SYTL2: variants seen among roughly 807,000 people sequenced by gnomAD.
SYTL2 encodes synaptotagmin like 2.
SYTL2 carries 165 observed loss-of-function variants against 198.7 expected under a neutral mutation model. That is an observed-to-expected ratio of 0.83 (90% CI 0.73 to 0.94). SYTL2 has a LOEUF of 0.94. Among genes scored for constraint, SYTL2 ranks in the 40% least tolerant of loss-of-function variants. SYTL2 has a pLI of 0.00. For missense variants in SYTL2, 2,835 were observed against 2,582.8 expected, an observed-to-expected ratio of 1.10 and a Z score of -2.12; for synonymous variants, 966 against 917.7, an observed-to-expected ratio of 1.05 and a Z score of -0.95.
chr11:85,829,343 G>C, the SYTL2 span, among the ~76,000 whole-genome samples: 4 of 152,014 alleles, frequency 2.6e-5, no homozygotes, highest in Admixed American at 6.6e-5. Context: ...TAGGATAATG[G>C]TCTCCAGGTC....
rs2083662995 is a variant in SYTL2 at position 85,698,000 on chromosome 11, T to C, written c.6347A>G (p.His2116Arg). 3.1e-6 allele frequency: 5 copies of C among 1,612,680 alleles called. No individual in the cohort carries two copies. Among genetic ancestry groups the C allele is most frequent in the South Asian group, 2.2e-5 (2 of 91,056 alleles). ...TTACCATTTAACAAAAGAATTTAGA[T>C]GACTTCCCCTTAGCAGTGGTAGATC... ...CLDLPLLRGS[H>R]LNSFVKCTIL... is the part of the protein sequence containing the mutation. The change falls in exon 18 of 20, where the codon CAT becomes CGT. Residue 2116 changes from histidine (H) to arginine (R), a missense_variant. Around this residue, in one of 3 missense-constraint regions of SYTL2, gnomAD observed 185 missense variants for 182.1 expected, o/e 1.02. Transcript: ENST00000359152.
chr11:85,827,010 G>A, the SYTL2 span, among the ~76,000 whole-genome samples: 3 of 152,330 alleles, frequency 2.0e-5, no homozygotes, highest in East Asian at 1.9e-4. Flanking sequence ...ATAATAAGCC[G>A]AAGGACCCAG....
chr11:85,725,224 A>G lies in SYTL2; in HGVS notation c.4134T>C (p.Cys1378=), dbSNP rs776238231. The change falls in exon 8 of 20, where the codon TGT becomes TGC. Residue 1378 remains cysteine, a synonymous_variant. Coordinates refer to ENST00000359152, the MANE Select transcript of SYTL2 (RefSeq NM_206927.4). ...NDVSAALQKL[C]GEVWLSYPAG... ...CTGGATAACTTAACCATACTTCTCC[A>G]CACAGCTTCTGTAATGCAGCACTTA... is the stretch of plus-strand genomic sequence containing the variant. 1 of 1,614,130 alleles carries G rather than the reference A, an allele frequency of 6.2e-7. No homozygotes were observed. Among genetic ancestry groups the G allele is most frequent in the Non-Finnish European group, 8.5e-7 (1 of 1,179,996 alleles).
intron 1 of SYTL2, among the ~76,000 whole-genome samples, chr11:85,804,714 C>T (rs1592087691): frequency 6.6e-6 from 1 of 152,146 alleles, no homozygotes. Context: ...TAGTATGTTA[C>T]ATTAGCAACC....
the SYTL2 span, among the ~76,000 whole-genome samples, chr11:85,849,592 G>A: frequency 6.6e-6 from 1 of 151,544 alleles, no homozygotes; most frequent in Middle Eastern, 3.4e-3. Flanking sequence ...AGATCAGATA[G>A]TTGTAGATAT....
In SYTL2 at chr11:85,742,399, G is replaced by A. The variant is rs573997257; in HGVS notation, c.389+3238C>T. Reference sequence around the variant, plus strand: ...TACGGACAGGGTCCTGACCTTCATGGGATGAGTCTTCATTCTGTACTCCCC... The same window carrying A: ...TACGGACAGGGTCCTGACCTTCATGAGATGAGTCTTCATTCTGTACTCCCC... On this transcript the variant is annotated intron_variant, in intron 4 of 19. Transcript: ENST00000359152. Among the ~76,000 whole-genome samples the A allele has an allele frequency of 5.9e-5, 9 of 152,284 alleles. No homozygotes were observed. In the East Asian group the frequency reaches 1.5e-3, roughly 26 times the overall value.
chr11:85,841,663 C>G, the SYTL2 span, among the ~76,000 whole-genome samples: 1,547 of 152,140 alleles, frequency 0.01, 23 homozygotes, highest in African/African-American at 0.032. Flanking sequence ...ACACTGGAGC[C>G]TATCAGAGTA....
At position 85,696,375 on chromosome 11, in the gene SYTL2, C is replaced by T. The variant is rs1351238193; in HGVS notation, c.6382G>A (p.Asp2128Asn). 6.2e-7 allele frequency: 1 copy of T among 1,613,820 alleles called. No individual in the cohort carries two copies. The highest frequency in any genetic ancestry group is 1.1e-5 in the South Asian group (1 of 91,062). Reference sequence around the variant, plus strand: ...TTCTGGCGACTTTTCCTACTTGTATCTGGAAGGATGGTACTACAAAAAGAG... The same window carrying T: ...TTCTGGCGACTTTTCCTACTTGTATTTGGAAGGATGGTACTACAAAAAGAG... ...NSFVKCTILP[D>N]TSRKSRQKTR... Residue 2128 changes from aspartate (D) to asparagine (N), a missense_variant, in exon 19 of 20, where the codon GAT (aspartate) becomes AAT (asparagine). By Grantham distance (23) the Asp-to-Asn change is conservative. This residue lies in a region of SYTL2 where 185 missense variants were observed against 182.1 expected (regional missense o/e 1.02). Transcript: ENST00000359152.
intron 16 of SYTL2, among the ~76,000 whole-genome samples, chr11:85,703,465 C>T (rs1156983607): frequency 6.6e-6 from 1 of 152,114 alleles, no homozygotes; most frequent in Non-Finnish European, 1.5e-5. Flanking sequence ...TGACCAAATA[C>T]TATGAAATGA....
intron 1 of SYTL2, among the ~76,000 whole-genome samples, chr11:85,799,315 C>G (rs1416429672): frequency 6.6e-6 from 1 of 152,132 alleles, no homozygotes; most frequent in African/African-American, 2.4e-5. Flanking sequence ...AATGATAACA[C>G]ACAGTGGTAT....
chr11:85,744,194 A>G (rs1344411500), intron 4 of SYTL2, among the ~76,000 whole-genome samples: 1 of 152,042 alleles, frequency 6.6e-6, no homozygotes, highest in East Asian at 1.9e-4. Context: ...TCATGCTTCC[A>G]TTTCTTGAGC....
chr11:85,752,210 C>T (rs141201635), intron 2 of SYTL2, among the ~76,000 whole-genome samples: 27 of 152,226 alleles, frequency 1.8e-4, no homozygotes, highest in South Asian at 1.5e-3. Context: ...TATTCTCCAG[C>T]CTTTCTTTTT....
intron 1 of SYTL2, among the ~76,000 whole-genome samples, chr11:85,774,807 C>T (rs1051923817): frequency 6.6e-6 from 1 of 152,166 alleles, no homozygotes; most frequent in Non-Finnish European, 1.5e-5. Flanking sequence ...CAAAGGCAGG[C>T]ACAAATGATC....
In SYTL2 at chr11:85,734,192, C is replaced by G; in HGVS notation, c.1137G>C (p.Gln379His). 6.2e-7 allele frequency: 1 copy of G among 1,614,196 alleles called. No individual in the cohort carries two copies. The highest frequency in any genetic ancestry group is 1.1e-5 in the South Asian group (1 of 91,086). ...TGTATTGAGAAGGCTTAGGGTCACT[C>G]TGAAACTCTTCTGTGTCCCCTGCAT... ...MEDAGDTEEF[Q>H]SDPKPSQYRK... The change falls in exon 7 of 20, where the codon CAG becomes CAC. Residue 379 changes from glutamine to histidine, a missense_variant. Coordinates refer to ENST00000359152, the MANE Select transcript of SYTL2 (RefSeq NM_206927.4).
chr11:85,707,331 C>G, intron 15 of SYTL2, 98 bp downstream of exon 15: 1 of 790,160 alleles, frequency 1.3e-6, no homozygotes, highest in Non-Finnish European at 2.1e-6. Context: ...CTTCTCCTCT[C>G]TTGGTGACTG....
intron 7 of SYTL2, 108 bp downstream of exon 7, chr11:85,733,831 C>G (rs1268961282): frequency 1.6e-5 from 13 of 806,242 alleles, no homozygotes; most frequent in Non-Finnish European, 6.1e-6. Flanking sequence ...GATCTCCTGA[C>G]CTCATGATCC....
chr11:85,737,152 T>C (rs933585254), intron 5 of SYTL2, among the ~76,000 whole-genome samples: 5 of 152,198 alleles, frequency 3.3e-5, no homozygotes, highest in South Asian at 2.1e-4. Flanking sequence ...AAAATTAATA[T>C]AGGAATCAAT....
intron 2 of SYTL2, among the ~76,000 whole-genome samples, chr11:85,755,655 G>T (rs984355010): frequency 6.6e-6 from 1 of 152,102 alleles, no homozygotes; most frequent in Non-Finnish European, 1.5e-5. Flanking sequence ...ATTTTTTGAG[G>T]ATATTTTCAT....
the SYTL2 span, among the ~76,000 whole-genome samples, chr11:85,847,958 G>T: frequency 2.0e-5 from 3 of 152,140 alleles, no homozygotes; most frequent in Admixed American, 6.5e-5. Context: ...TGGGCATGGT[G>T]GCTCACACCT....
Sources: allele counts gnomAD v4.1 joint callset (sites outside exome capture counted in the v4.1 genomes callset), GRCh38; gene constraint gnomAD v4.1.1; regional missense constraint gnomAD v4.1.1; transcripts MANE v1.5; gene names NCBI Gene and HGNC (gene_info 2026-07-23, HGNC 2026-07-21).